The following DCLK1 variants were observed in gnomAD, a reference collection of about 807,000 sequenced individuals.
DCLK1 encodes serine/threonine-protein kinase DCLK1.
Under a neutral mutation model 86.2 loss-of-function variants are expected in DCLK1, and 16 were observed. That is an observed-to-expected ratio of 0.19 (90% CI 0.13 to 0.28). DCLK1 has a LOEUF of 0.28. Ranked by LOEUF, DCLK1 falls within the 10% of genes least tolerant of loss-of-function variation. The probability of loss-of-function intolerance (pLI) is 1.00; values close to 1 mark genes in which losing one functional copy is unlikely to be tolerated. For missense variants in DCLK1, 590 were observed against 940.2 expected (o/e 0.63, Z 4.87); for synonymous variants, 369 against 370.5 (o/e 1.00, Z 0.05).
chr13:35,854,603 C>A lies in DCLK1; in HGVS notation c.941-10G>T. 1 of 1,573,744 alleles carries A rather than the reference C, an allele frequency of 6.4e-7. No homozygotes were observed. Among genetic ancestry groups the A allele is most frequent in the Non-Finnish European group, 8.6e-7 (1 of 1,158,908 alleles). The stretch of plus-strand genomic sequence containing the variant: ...CCAGGGGTTCCATTAACTAGAAATA[C>A]AAAGAATCACACACAGAGAAAAATG... On this transcript the variant is annotated splice_polypyrimidine_tract_variant and intron_variant, in intron 5 of 16. Transcript: ENST00000360631.
In DCLK1 at chr13:35,774,520, A is replaced by C. The variant is rs375500006; in HGVS notation, c.*15T>G. The stretch of plus-strand genomic sequence containing the variant: ...CTCAAAGGGTTAAGCTAGGACTTTG[A>C]GTAAAAGGGTCTTATTAAAAGGGCG... On this transcript the variant is annotated 3_prime_UTR_variant, in exon 17 of 17. Coordinates refer to ENST00000360631, the MANE Select transcript of DCLK1 (RefSeq NM_001330071.2). 31 of 1,551,474 alleles carry C rather than the reference A, an allele frequency of 2.0e-5. No homozygotes were observed. In the African/African-American group the frequency reaches 4.0e-4, roughly 20 times the overall value.
chr13:36,108,617 A>G (rs909639613), intron 3 of DCLK1, among the ~76,000 whole-genome samples: 2 of 152,226 alleles, frequency 1.3e-5, no homozygotes, highest in Non-Finnish European at 2.9e-5. Flanking sequence ...TGCCATGGAT[A>G]CATCTGTAGG....
intron 3 of DCLK1, among the ~76,000 whole-genome samples, chr13:36,051,855 T>C (rs1593848702): frequency 6.6e-6 from 1 of 152,202 alleles, no homozygotes; most frequent in African/African-American, 2.4e-5. Flanking sequence ...ATTATAGTGA[T>C]AGCCATCTAG....
chr13:35,869,320 G>T (rs1016842192), intron 5 of DCLK1, among the ~76,000 whole-genome samples: 1 of 152,182 alleles, frequency 6.6e-6, no homozygotes, highest in Non-Finnish European at 1.5e-5. Context: ...CTGGGGAAGG[G>T]ATCATCTTCA....
chr13:35,948,528 C>T (rs1367230191), intron 3 of DCLK1, among the ~76,000 whole-genome samples: 1 of 151,986 alleles, frequency 6.6e-6, no homozygotes, highest in Admixed American at 6.6e-5. Context: ...TTTGTTAGTC[C>T]CTGGGAATGC....
intron 4 of DCLK1, among the ~76,000 whole-genome samples, chr13:35,901,074 C>G (rs1874326516): frequency 6.6e-6 from 1 of 151,822 alleles, no homozygotes; most frequent in Admixed American, 6.6e-5. Flanking sequence ...AAATTAAGAA[C>G]AGAGGAAATA....
At chr13:35,944,101 T>C (rs1002773228) in intron 4 of DCLK1, among the ~76,000 whole-genome samples, 14 of 152,232 alleles carry the variant, frequency 9.2e-5, no homozygotes, top group Non-Finnish European at 1.9e-4. Flanking sequence ...GTTTCCGATA[T>C]TAATCTGGCT....
intron 4 of DCLK1, among the ~76,000 whole-genome samples, chr13:35,939,332 C>T (rs1174859502): frequency 1.3e-5 from 2 of 152,320 alleles, no homozygotes; most frequent in East Asian, 1.9e-4. Context: ...ATATCCTTTT[C>T]TCATAAGACA....
intron 11 of DCLK1, among the ~76,000 whole-genome samples, chr13:35,817,527 C>T (rs2087297655): frequency 6.6e-6 from 1 of 152,094 alleles, no homozygotes; most frequent in Non-Finnish European, 1.5e-5. Context: ...ATCTCTTGCC[C>T]ACTAATATCT....
chr13:36,016,679 G>A (rs943957185), intron 3 of DCLK1, among the ~76,000 whole-genome samples: 2 of 151,838 alleles, frequency 1.3e-5, no homozygotes, highest in African/African-American at 2.4e-5. Flanking sequence ...CTTTATCCTC[G>A]AACAATAGAA....
chr13:35,956,861 A>G (rs1020584239), intron 3 of DCLK1, among the ~76,000 whole-genome samples: 1 of 152,230 alleles, frequency 6.6e-6, no homozygotes, highest in Non-Finnish European at 1.5e-5. Flanking sequence ...AACATTTCCA[A>G]TTAAAAAATA....
At chr13:35,994,540 G>C (rs1387360888) in intron 3 of DCLK1, among the ~76,000 whole-genome samples, 1 of 152,086 alleles carries the variant, frequency 6.6e-6, no homozygotes, top group Non-Finnish European at 1.5e-5. Flanking sequence ...GTTTGCCCCT[G>C]GTAATTATAC....
At chr13:36,102,245 ATT>A (rs542502886) in intron 3 of DCLK1, among the ~76,000 whole-genome samples, 2,258 of 134,110 alleles carry the variant, frequency 0.017, 19 homozygotes, top group Non-Finnish European at 0.028. Flanking sequence ...TTCCTGGAAG[ATT>A]TTTTTTTTAA....
At chr13:35,968,458 C>T (rs557509142) in intron 3 of DCLK1, among the ~76,000 whole-genome samples, 6 of 152,284 alleles carry the variant, frequency 3.9e-5, no homozygotes, top group African/African-American at 1.2e-4. Flanking sequence ...CAGCAGAATT[C>T]CCCTTAGCTT....
chr13:35,894,091 C>T lies in DCLK1; in HGVS notation c.824-22751G>A, dbSNP rs140876090. On this transcript the variant is annotated intron_variant, in intron 4 of 16. Transcript: ENST00000360631. The stretch of plus-strand genomic sequence containing the variant: ...TTTAATATTTAGACTTGGGTCCCAT[C>T]GCTAAGATATCTCATGTATATGCAA... Among the ~76,000 whole-genome samples, 23 of 152,124 alleles carry T rather than the reference C, an allele frequency of 1.5e-4. No individual in the cohort carries two copies. The East Asian group carries it at 3.7e-3, about 24-fold the overall frequency.
At chr13:35,825,835 A>G (rs57106454) in intron 10 of DCLK1, among the ~76,000 whole-genome samples, 3,797 of 150,674 alleles carry the variant, frequency 0.025, 60 homozygotes, top group African/African-American at 0.041. Context: ...TTTTTGAGAC[A>G]GAGTTTCGCT....
At chr13:36,086,033 G>A (rs1012491716) in intron 3 of DCLK1, among the ~76,000 whole-genome samples, 6 of 152,136 alleles carry the variant, frequency 3.9e-5, no homozygotes, top group Non-Finnish European at 7.3e-5. Context: ...TCACCACAGG[G>A]TTAGACACTT....
intron 16 of DCLK1, among the ~76,000 whole-genome samples, chr13:35,777,967 G>A (rs890908308): frequency 2.6e-5 from 4 of 152,184 alleles, no homozygotes; most frequent in African/African-American, 7.2e-5. Context: ...CCACTTTGTA[G>A]ACTCTTTGGA....
chr13:35,850,184 A>G (rs1473698267), intron 6 of DCLK1: 1 of 984,890 alleles, frequency 1.0e-6, no homozygotes, highest in Non-Finnish European at 1.2e-6. Context: ...TAGGGAGAAA[A>G]AAAATCTACC....
Sources: allele counts gnomAD v4.1 joint callset (sites outside exome capture counted in the v4.1 genomes callset), GRCh38; gene constraint gnomAD v4.1.1; transcripts MANE v1.5; gene names NCBI Gene and HGNC (gene_info 2026-07-23, HGNC 2026-07-21).